CACNA1B: variants seen among roughly 807,000 people sequenced by gnomAD.
CACNA1B encodes voltage-dependent N-type calcium channel subunit alpha-1B.
Under a neutral mutation model 247.2 loss-of-function variants are expected in CACNA1B, and 70 were observed. The observed-to-expected ratio is 0.28, with a 90% CI of 0.23 to 0.35. CACNA1B has a LOEUF of 0.35. CACNA1B is among the 10% of genes least tolerant of loss of function. CACNA1B has a pLI of 1.00. For synonymous variants in CACNA1B, 1,231 were observed against 1,294.4 expected, an observed-to-expected ratio of 0.95 and a Z score of 1.05; for missense variants, 2,367 against 3,197.4, an observed-to-expected ratio of 0.74 and a Z score of 6.26.
Position 138,075,927 on chromosome 9 carries a change from GC to G in CACNA1B, c.4949+20del. On this transcript the variant is annotated intron_variant, in intron 35 of 46. Transcript: ENST00000371372. ...GCTGTTCAGGTGTGTTGTTCGGTCA[GC>G]CCAGGCCAATGTCTGCTCTTCCGTC... 6.4e-7 allele frequency: 1 copy of G among 1,563,980 alleles called. No homozygotes were observed. The highest frequency in any genetic ancestry group is 8.8e-7 in the Non-Finnish European group (1 of 1,139,012).
Position 137,957,513 on chromosome 9 carries a change from G to C in CACNA1B, c.1244-85G>C. The C allele has an allele frequency of 1.0e-6, 1 of 978,504 alleles. No individual in the cohort carries two copies. The highest frequency in any genetic ancestry group is 1.5e-6 in the Non-Finnish European group (1 of 670,830). The allele number at this position is 978,504 out of a possible 1,614,324, so 60.6% of individuals were successfully genotyped here. ...GCTCAGGAGAGGTCACTGGTCCCAG[G>C]GGGAGGGTGATCCCATGCCCCGCTG... On this transcript the variant is annotated intron_variant, in intron 9 of 46. Coordinates refer to ENST00000371372, the MANE Select transcript of CACNA1B (RefSeq NM_000718.4). The surrounding 1 kb of genome is among the most constrained non-coding windows in gnomAD (Gnocchi z 4.7).
At chr9:138,068,129 C>T (rs958538113) in intron 31 of CACNA1B, among the ~76,000 whole-genome samples, 11 of 152,150 alleles carry the variant, frequency 7.2e-5, no homozygotes, top group African/African-American at 2.7e-4. Flanking sequence ...CTGCGGGCAG[C>T]CTGATCCCAC....
intron 44 of CACNA1B, among the ~76,000 whole-genome samples, chr9:138,119,354 C>CCCCT (rs1204894552): frequency 1.3e-5 from 2 of 152,106 alleles, no homozygotes; most frequent in African/African-American, 4.8e-5. Flanking sequence ...GGGAGGATCG[C>CCCCT]CCCTCCGAGG....
chr9:138,019,727 G>T (rs1224670412), intron 18 of CACNA1B, among the ~76,000 whole-genome samples: 1 of 152,184 alleles, frequency 6.6e-6, no homozygotes, highest in African/African-American at 2.4e-5. Flanking sequence ...GCTGCTGGCT[G>T]TCAGAGGCAC....
intron 15 of CACNA1B, among the ~76,000 whole-genome samples, chr9:137,993,122 A>G (rs558718155): frequency 2.8e-4 from 42 of 152,322 alleles, no homozygotes; most frequent in Non-Finnish European, 4.3e-4. Context: ...CCCATCTCAC[A>G]CAACTGAAGA....
Position 138,011,508 on chromosome 9 carries a change from C to G in CACNA1B, c.2160+1431C>G, listed in dbSNP as rs552986080. ...GTTTATGACTCGACCATCCCCTTCC[C>G]TTATATTCCCATAATATTCCCACAA... is the stretch of plus-strand genomic sequence containing the variant. On this transcript the variant is annotated intron_variant, in intron 17 of 46. Transcript: ENST00000371372. The surrounding 1 kb of genome is among the most constrained non-coding windows in gnomAD (Gnocchi z 4.2). 3.3e-5 allele frequency among the ~76,000 whole-genome samples: 5 copies of G among 152,210 alleles called. No individual in the cohort carries two copies. The highest frequency in any genetic ancestry group is 5.9e-5 in the Non-Finnish European group (4 of 68,038).
chr9:138,001,997 G>A (rs1423263087), intron 15 of CACNA1B, among the ~76,000 whole-genome samples: 1 of 152,120 alleles, frequency 6.6e-6, no homozygotes, highest in Non-Finnish European at 1.5e-5. Context: ...ATGAATCAAC[G>A]CAATCCTGAT....
At chr9:138,078,991 C>T (rs957940217) in intron 36 of CACNA1B, among the ~76,000 whole-genome samples, 2 of 152,232 alleles carry the variant, frequency 1.3e-5, no homozygotes, top group Non-Finnish European at 2.9e-5. Context: ...AGATGCCCAG[C>T]GACCTCTGGG....
intron 31 of CACNA1B, among the ~76,000 whole-genome samples, chr9:138,067,649 A>G (rs1959966558): frequency 6.6e-6 from 1 of 152,256 alleles, no homozygotes; most frequent in Non-Finnish European, 1.5e-5. Context: ...CAGGGAGCCA[A>G]GATTGCGCCA....
chr9:137,954,855 CTT>C lies in CACNA1B; in HGVS notation c.1071-842_1071-841del, dbSNP rs1564206097. Among the ~76,000 whole-genome samples the C allele has an allele frequency of 3.5e-5, 3 of 84,680 alleles. No homozygotes were observed. In the Middle Eastern group the frequency reaches 0.015, roughly 423 times the overall value. 55.6% of individuals were successfully genotyped at this position (84,680 alleles called of 152,430 possible). A position where few individuals can be genotyped will look rare whatever the true frequency, so the allele number is the denominator to read the frequency against. The stretch of plus-strand genomic sequence containing the variant: ...CACACCCACTCCACCAACTCAGAAG[CTT>C]GTGTGTGTGTGTGTGTGTGTGTGAG... On this transcript the variant is annotated intron_variant, in intron 7 of 46. Coordinates refer to ENST00000371372, the MANE Select transcript of CACNA1B (RefSeq NM_000718.4). The surrounding 1 kb of genome is among the most constrained non-coding windows in gnomAD (Gnocchi z 4.1).
At position 138,121,942 on chromosome 9, in the gene CACNA1B, C is replaced by A. The variant is rs1962117394; in HGVS notation, c.6963C>A (p.Ser2321Arg). ...PNGYHCTLGLSSGGRARHSYH... is the reference protein window; with the variant it reads ...PNGYHCTLGLRSGGRARHSYH... Reference sequence around the variant, plus strand: ...GTTACCACTGCACCCTGGGACTCAGCTCGGGTGGCCGAGCACGGCACAGCT... The same window carrying A: ...GTTACCACTGCACCCTGGGACTCAGATCGGGTGGCCGAGCACGGCACAGCT... The change falls in exon 47 of 47, where the codon AGC becomes AGA. Residue 2321 changes from serine to arginine, a missense_variant. Transcript: ENST00000371372. The surrounding 1 kb of genome is among the most constrained non-coding windows in gnomAD (Gnocchi z 6.8). 6 of 1,606,836 alleles carry A rather than the reference C, an allele frequency of 3.7e-6. No homozygotes were observed. Among genetic ancestry groups the A allele is most frequent in the Non-Finnish European group, 5.1e-6 (6 of 1,179,836 alleles).
At chr9:137,912,951 C>T (rs1403553733) in intron 3 of CACNA1B, among the ~76,000 whole-genome samples, 1 of 152,126 alleles carries the variant, frequency 6.6e-6, no homozygotes, top group Non-Finnish European at 1.5e-5. Context: ...CCTGTGAGCG[C>T]TTCTGGATTC....
chr9:138,017,714 C>CA (rs1365235563), intron 18 of CACNA1B, among the ~76,000 whole-genome samples: 1 of 152,238 alleles, frequency 6.6e-6, no homozygotes, highest in Non-Finnish European at 1.5e-5. Flanking sequence ...TTGGGAAGCT[C>CA]ACAGTAGACC....
chr9:138,027,196 C>T (rs1177948739), intron 20 of CACNA1B, among the ~76,000 whole-genome samples: 1 of 152,088 alleles, frequency 6.6e-6, no homozygotes, highest in Non-Finnish European at 1.5e-5. Flanking sequence ...TTTTTGCAAG[C>T]ATTTTCTCCC....
At chr9:138,047,976 C>T (rs1589094232) in intron 23 of CACNA1B, among the ~76,000 whole-genome samples, 1 of 152,192 alleles carries the variant, frequency 6.6e-6, no homozygotes, top group East Asian at 1.9e-4. Flanking sequence ...ACTAGTGTGG[C>T]CCTTGTGTGT....
chr9:137,918,050 T>TA (rs1188402041), intron 6 of CACNA1B, among the ~76,000 whole-genome samples: 2 of 152,184 alleles, frequency 1.3e-5, no homozygotes, highest in Non-Finnish European at 2.9e-5. Context: ...CAGGGATTCT[T>TA]AGAGTGGAGC....
intron 19 of CACNA1B, among the ~76,000 whole-genome samples, chr9:138,024,305 TG>T (rs1958892635): frequency 6.6e-6 from 1 of 152,134 alleles, no homozygotes; most frequent in African/African-American, 2.4e-5. Context: ...GCTTGCTCCC[TG>T]GGGCAGGACT....
At chr9:137,978,513 TG>T (rs954165452) in intron 12 of CACNA1B, among the ~76,000 whole-genome samples, 1 of 150,410 alleles carries the variant, frequency 6.6e-6, no homozygotes, top group African/African-American at 2.5e-5. Flanking sequence ...GAGTGACAGG[TG>T]GGAGCACTGC....
intron 3 of CACNA1B, among the ~76,000 whole-genome samples, chr9:137,905,212 G>A (rs572175630): frequency 6.6e-6 from 1 of 152,202 alleles, no homozygotes; most frequent in African/African-American, 2.4e-5. Flanking sequence ...AATTAGCCAG[G>A]TGTGGTGGCA....
Sources: gnomAD v4.1 joint callset for allele counts (sites outside exome capture counted in the v4.1 genomes callset) on GRCh38, gnomAD v4.1.1 for gene constraint, Gnocchi (gnomAD v3.1) non-coding constraint, MANE v1.5 for transcripts, NCBI Gene and HGNC (gene_info 2026-07-23, HGNC 2026-07-21) for gene names.